The following EYA2 variants were observed in gnomAD, a reference collection of about 807,000 sequenced individuals.
The protein encoded by EYA2 is protein phosphatase EYA2.
EYA2 carries 31 observed loss-of-function variants against 69.2 expected under a neutral mutation model. That is an observed-to-expected ratio of 0.45 (90% CI 0.34 to 0.60). EYA2 has a LOEUF of 0.60. EYA2 is among the 20% of genes least tolerant of loss of function. The probability of loss-of-function intolerance (pLI) is 0.02; values close to 1 mark genes in which losing one functional copy is unlikely to be tolerated. For synonymous variants in EYA2, 257 were observed against 279.4 expected (o/e 0.92, Z 0.80); for missense variants, 622 against 701.2 (o/e 0.89, Z 1.28).
At chr20:46,975,495 T>C (rs1568697801) in intron 1 of EYA2, among the ~76,000 whole-genome samples, 1 of 151,934 alleles carries the variant, frequency 6.6e-6, no homozygotes, top group South Asian at 2.1e-4. Flanking sequence ...CACAGTGAAA[T>C]CCAGTCTCTT....
intron 10 of EYA2, among the ~76,000 whole-genome samples, chr20:47,147,456 A>G (rs1246595975): frequency 6.6e-6 from 1 of 152,192 alleles, no homozygotes; most frequent in East Asian, 1.9e-4. Context: ...GCAAAGGCCA[A>G]GGTATGATTA....
At chr20:47,060,849 CTCTTTT>C (rs2030847720) in intron 5 of EYA2, among the ~76,000 whole-genome samples, 2 of 138,210 alleles carry the variant, frequency 1.4e-5, no homozygotes, top group Admixed American at 7.4e-5. Flanking sequence ...CGCTCTCTCT[CTCTTTT>C]TTTTTTTTTT....
intron 1 of EYA2, among the ~76,000 whole-genome samples, chr20:46,956,079 T>A (rs1280223633): frequency 1.3e-5 from 2 of 152,258 alleles, no homozygotes; most frequent in Non-Finnish European, 2.9e-5. Context: ...CTTCCACATT[T>A]TTCTTCATAC....
chr20:46,923,663 G>A (rs1411766944), intron 1 of EYA2, among the ~76,000 whole-genome samples: 1 of 152,152 alleles, frequency 6.6e-6, no homozygotes, highest in Non-Finnish European at 1.5e-5. Flanking sequence ...CTGAAATGAT[G>A]CACAAAAGAA....
chr20:47,129,744 C>T (rs1055638653), intron 9 of EYA2, among the ~76,000 whole-genome samples: 1 of 152,152 alleles, frequency 6.6e-6, no homozygotes, highest in African/African-American at 2.4e-5. Context: ...TCACCGCCCC[C>T]CTCTCTTGGT....
chr20:47,069,215 C>T (rs770635304), intron 5 of EYA2, among the ~76,000 whole-genome samples: 2 of 152,108 alleles, frequency 1.3e-5, no homozygotes, highest in Admixed American at 6.6e-5. Context: ...CACCATAGGC[C>T]GGGCTCAGTG....
intron 5 of EYA2, among the ~76,000 whole-genome samples, chr20:47,023,221 A>G (rs1983863194): frequency 6.6e-6 from 1 of 152,244 alleles, no homozygotes; most frequent in African/African-American, 2.4e-5. Flanking sequence ...AAACATAAGT[A>G]AAATATAAGC....
At chr20:47,178,260 T>C (rs1279883550) in intron 12 of EYA2, among the ~76,000 whole-genome samples, 1 of 148,968 alleles carries the variant, frequency 6.7e-6, no homozygotes, top group Admixed American at 6.8e-5. Context: ...TGCTTGAACC[T>C]GGGAGACTGA....
intron 1 of EYA2, among the ~76,000 whole-genome samples, chr20:46,960,723 A>C (rs1179685122): frequency 6.6e-6 from 1 of 152,126 alleles, no homozygotes; most frequent in African/African-American, 2.4e-5. Context: ...TTCAATCGCA[A>C]AGTTCGGTAG....
At chr20:47,150,059 G>A (rs1568809763) in intron 10 of EYA2, among the ~76,000 whole-genome samples, 1 of 152,190 alleles carries the variant, frequency 6.6e-6, no homozygotes, top group Non-Finnish European at 1.5e-5. Flanking sequence ...GCATGGTGAG[G>A]GCAGTAGTAA....
chr20:46,962,429 C>T (rs1433458370), intron 1 of EYA2, among the ~76,000 whole-genome samples: 1 of 152,188 alleles, frequency 6.6e-6, no homozygotes, highest in Non-Finnish European at 1.5e-5. Context: ...CAAAATATCA[C>T]ACTGTACCCT....
intron 1 of EYA2, among the ~76,000 whole-genome samples, chr20:46,920,675 C>T (rs1248785051): frequency 6.6e-6 from 1 of 152,208 alleles, no homozygotes; most frequent in Non-Finnish European, 1.5e-5. Flanking sequence ...AGTCACTTCA[C>T]CATTTCCCCT....
At chr20:46,979,409 C>T (rs1288117782) in intron 1 of EYA2, 1 of 152,304 alleles carries the variant, frequency 6.6e-6, no homozygotes, top group African/African-American at 2.4e-5. Flanking sequence ...CCCGCTCCTT[C>T]AGGCTGTCTT....
intron 5 of EYA2, among the ~76,000 whole-genome samples, chr20:47,024,758 G>T (rs1313340389): frequency 6.6e-6 from 1 of 152,176 alleles, no homozygotes; most frequent in African/African-American, 2.4e-5. Flanking sequence ...AAGGATCACT[G>T]TCCATGCCTA....
chr20:47,161,703 C>T (rs1317777412), intron 10 of EYA2: 1 of 194,774 alleles, frequency 5.1e-6, no homozygotes, highest in East Asian at 1.7e-4. Flanking sequence ...AGCCCCCCAT[C>T]CCCCAAAACC....
chr20:47,179,262 ATGGGTGGATGGGTGTG>A (rs1320509494), intron 12 of EYA2, among the ~76,000 whole-genome samples: 49 of 126,492 alleles, frequency 3.9e-4, no homozygotes, highest in African/African-American at 1.4e-3. Context: ...GGGTGGGTAG[ATGGGTGGATGGGTGTG>A]TGGGTGGATG....
chr20:47,044,109 C>G (rs920699777), intron 5 of EYA2, among the ~76,000 whole-genome samples: 2 of 152,192 alleles, frequency 1.3e-5, no homozygotes, highest in Non-Finnish European at 2.9e-5. Flanking sequence ...CCCACTGGAG[C>G]TCTGCTTTTG....
At chr20:47,145,376 A>G (rs2033678964) in intron 10 of EYA2, among the ~76,000 whole-genome samples, 1 of 152,110 alleles carries the variant, frequency 6.6e-6, no homozygotes, top group Admixed American at 6.6e-5. Flanking sequence ...AACAAGCATG[A>G]AGGCCCCTGG....
chr20:47,089,464 A>G (rs554326549), intron 8 of EYA2, 83 bp downstream of exon 8: 1 of 1,461,616 alleles, frequency 6.8e-7, no homozygotes, highest in East Asian at 2.3e-5. Context: ...AGTTTTCTCC[A>G]AGTACGAGGC....
Sources: gnomAD v4.1 joint callset for allele counts (sites outside exome capture counted in the v4.1 genomes callset) on GRCh38, gnomAD v4.1.1 for gene constraint, MANE v1.5 for transcripts, NCBI Gene and HGNC (gene_info 2026-07-23, HGNC 2026-07-21) for gene names.